The following GPRC5B variants were observed in gnomAD, a reference collection of about 807,000 sequenced individuals.
GPRC5B encodes G protein-coupled receptor class C group 5 member B.
GPRC5B carries 16 observed loss-of-function variants against 30.1 expected under a neutral mutation model. The observed-to-expected ratio is 0.53, with a 90% confidence interval of 0.36 to 0.81. The LOEUF (loss-of-function observed/expected upper bound fraction) is 0.81. GPRC5B is among the 30% of genes least tolerant of loss of function. The pLI, the probability that GPRC5B is intolerant of heterozygous loss-of-function variation, is 0.01. For missense variants in GPRC5B, 428 were observed against 544.7 expected (o/e 0.79, Z 2.13); for synonymous variants, 241 against 239.5 (o/e 1.01, Z -0.06).
rs7195004 is a variant in GPRC5B at position 19,860,224 on chromosome 16, C to T, written c.*276G>A. ...GCCACATTTTCCAGTGAGCCTAATACTATTTGCAATTAGCTTTGCTTTAGT... is the reference window on the plus strand; with the variant it reads ...GCCACATTTTCCAGTGAGCCTAATATTATTTGCAATTAGCTTTGCTTTAGT... On this transcript the variant is annotated 3_prime_UTR_variant, in exon 4 of 4. Transcript: ENST00000300571. The T allele has an allele frequency of 0.013, 5,508 of 410,086 alleles. 47 individuals carry two copies. The highest frequency in any genetic ancestry group is 0.036 in the Middle Eastern group (51 of 1,408). 25.4% of individuals were successfully genotyped at this position (410,086 alleles called of 1,614,324 possible).
At chr16:19,869,018 G>A (rs1348654051) in intron 2 of GPRC5B, among the ~76,000 whole-genome samples, 1 of 152,180 alleles carries the variant, frequency 6.6e-6, no homozygotes, top group Non-Finnish European at 1.5e-5. Context: ...GGACTAATGA[G>A]CTAATGCAGG....
At chr16:19,885,477 G>GT, upstream of GPRC5B, 2 of 1,138,122 alleles carry the variant, frequency 1.8e-6, no homozygotes, top group Non-Finnish European at 1.1e-6. The surrounding 1 kb of genome is among the most constrained non-coding windows in gnomAD (Gnocchi z 5.3). Context: ...GTCGTTGTCC[G>GT]TTTACGCACA....
Position 19,856,781 on chromosome 16 carries a change from C to A in GPRC5B, c.*3719G>T, listed in dbSNP as rs879282191. On this transcript the variant is annotated 3_prime_UTR_variant, in exon 4 of 4. Coordinates refer to ENST00000300571, the MANE Select transcript of GPRC5B (RefSeq NM_016235.3). ...TTATCCCCACATTTTATTCATTCAT[C>A]CAGATTACTTCTTCAGTGCCTCAGG... 7 of 516,030 alleles carry A rather than the reference C, an allele frequency of 1.4e-5. No homozygotes were observed. Among genetic ancestry groups the A allele is most frequent in the Non-Finnish European group, 2.1e-5 (6 of 291,630 alleles). 32.0% of individuals were successfully genotyped at this position (516,030 alleles called of 1,614,324 possible).
chr16:19,883,522 G>C (rs1325985351), intron 1 of GPRC5B, among the ~76,000 whole-genome samples: 1 of 152,270 alleles, frequency 6.6e-6, no homozygotes, highest in Admixed American at 6.5e-5. Context: ...AATTAAGAAG[G>C]TTCCTTGGCT....
rs1271024010 is a variant in GPRC5B at position 19,858,490 on chromosome 16, G to GA, written c.*2009dup. On this transcript the variant is annotated 3_prime_UTR_variant, in exon 4 of 4. Coordinates refer to ENST00000300571, the MANE Select transcript of GPRC5B (RefSeq NM_016235.3). ...GAACGTGTGAATTGCTCCATCGTGT[G>GA]AATGGTATCAGAAAGCTCCAAAGGA... The GA allele has an allele frequency of 1.4e-6, 1 of 692,478 alleles. No homozygotes were observed. The highest frequency in any genetic ancestry group is 1.5e-5 in the South Asian group (1 of 65,702). 42.9% of individuals were successfully genotyped at this position (692,478 alleles called of 1,614,324 possible).
chr16:19,883,199 T>C (rs924914820), intron 1 of GPRC5B, among the ~76,000 whole-genome samples: 6 of 152,178 alleles, frequency 3.9e-5, no homozygotes, highest in African/African-American at 1.4e-4. Context: ...TTTCTTGAAA[T>C]AACATATTAA....
intron 1 of GPRC5B, among the ~76,000 whole-genome samples, chr16:19,877,582 A>G (rs950142556): frequency 1.3e-5 from 2 of 152,124 alleles, no homozygotes; most frequent in Admixed American, 1.3e-4. Context: ...AGAGTTTCCT[A>G]TTGCAGCCAA....
chr16:19,860,579 T>C, intron 3 of GPRC5B, 35 bp from the exon 4 acceptor site: 1 of 1,474,762 alleles, frequency 6.8e-7, no homozygotes, highest in Non-Finnish European at 9.4e-7. Context: ...CACTGAGAAC[T>C]CTGTGCTTTG....
Position 19,871,844 on chromosome 16 carries a change from C to T in GPRC5B, c.1002G>A (p.Lys334=). Residue 334 remains lysine (K), a synonymous_variant, in exon 2 of 4, where the codon AAG becomes AAA. Coordinates refer to ENST00000300571, the MANE Select transcript of GPRC5B (RefSeq NM_016235.3). ...CATTGTGTTCATCCATGGAGAAGGC[C>T]TTGTTCTCCATATAGGCCCGCGGCA... is the stretch of plus-strand genomic sequence containing the variant. ...VQLPRAYMEN[K]AFSMDEHNAA... The T allele has an allele frequency of 6.2e-7, 1 of 1,613,930 alleles. No individual in the cohort carries two copies.
Position 19,871,915 on chromosome 16 carries a change from A to G in GPRC5B, c.931T>C (p.Ser311Pro), listed in dbSNP as rs777654984. 5 of 1,613,884 alleles carry G rather than the reference A, an allele frequency of 3.1e-6. No homozygotes were observed. Among genetic ancestry groups the G allele is most frequent in the Non-Finnish European group, 4.2e-6 (5 of 1,180,038 alleles). ...GCCGTCTCCCGCATCCTGGGCTGCG[A>G]CGTGTCGAAGTAGTTGGGCGTGTTC... ...QENTPNYFDT[S>P]QPRMRETAFE... The change falls in exon 2 of 4, where the codon TCG becomes CCG. Residue 311 changes from serine to proline, a missense_variant. By Grantham distance (74) the Ser-to-Pro change is moderately conservative (BLOSUM62 -1). This residue lies in a region of GPRC5B where 213 missense variants were observed against 229.1 expected (regional missense o/e 0.93). Transcript: ENST00000300571.
chr16:19,861,700 T>C (rs1431720390), intron 3 of GPRC5B, 137 bp downstream of exon 3: 3 of 657,704 alleles, frequency 4.6e-6, no homozygotes, highest in East Asian at 2.7e-5. Flanking sequence ...AATAAAAGCA[T>C]TGCATGCGTT....
intron 2 of GPRC5B, among the ~76,000 whole-genome samples, chr16:19,868,247 G>A (rs1426360738): frequency 1.3e-5 from 2 of 151,830 alleles, no homozygotes; most frequent in South Asian, 2.1e-4. Flanking sequence ...GGTGGCACAC[G>A]GCTATAATCC....
At chr16:19,883,415 G>T (rs1477461100) in intron 1 of GPRC5B, among the ~76,000 whole-genome samples, 1 of 152,182 alleles carries the variant, frequency 6.6e-6, no homozygotes, top group African/African-American at 2.4e-5. Context: ...CCAAACGACA[G>T]ATGCCAATTT....
chr16:19,880,439 A>AAATAAAATAAAATAG (rs2056798075), intron 1 of GPRC5B, among the ~76,000 whole-genome samples: 1 of 108,576 alleles, frequency 9.2e-6, no homozygotes, highest in South Asian at 2.6e-4. Flanking sequence ...AAATAAAATA[A>AAATAAAATAAAATAG]AATAAAATAA....
Position 19,858,854 on chromosome 16 carries a change from TACTA to T in GPRC5B, c.*1642_*1645del, listed in dbSNP as rs1335387136. ...CCATGCGTGGTAACACAAGGAAATGTACTAACTGTTAAGGAAAACTCGAAGGCGG... is the reference window on the plus strand; with the variant it reads ...CCATGCGTGGTAACACAAGGAAATGTACTGTTAAGGAAAACTCGAAGGCGG... On this transcript the variant is annotated 3_prime_UTR_variant, in exon 4 of 4. Coordinates refer to ENST00000300571, the MANE Select transcript of GPRC5B (RefSeq NM_016235.3). 6.9e-6 allele frequency: 2 copies of T among 291,062 alleles called. No homozygotes were observed. Among genetic ancestry groups the T allele is most frequent in the Non-Finnish European group, 1.3e-5 (2 of 158,424 alleles). 18.0% of individuals were successfully genotyped at this position (291,062 alleles called of 1,614,324 possible). A position where few individuals can be genotyped will look rare whatever the true frequency, so the allele number is the denominator to read the frequency against.
At chr16:19,880,499 G>A (rs190322131) in intron 1 of GPRC5B, among the ~76,000 whole-genome samples, 21 of 149,096 alleles carry the variant, frequency 1.4e-4, no homozygotes, top group Admixed American at 9.3e-4. Context: ...TACTGGTTTA[G>A]GTTTTTGTCC....
At chr16:19,880,368 T>G (rs576409542) in intron 1 of GPRC5B, among the ~76,000 whole-genome samples, 342 of 147,922 alleles carry the variant, frequency 2.3e-3, no homozygotes, top group Non-Finnish European at 3.7e-3. Flanking sequence ...GGTGGGAGAC[T>G]GCTTGAGGCC....
Position 19,861,972 on chromosome 16 carries a change from A to T in GPRC5B, c.1032T>A (p.Ala344=), listed in dbSNP as rs2056628431. Residue 344 remains alanine, a splice_region_variant and synonymous_variant, in exon 3 of 4, where the codon GCT becomes GCA. Coordinates refer to ENST00000300571, the MANE Select transcript of GPRC5B (RefSeq NM_016235.3). ...KAFSMDEHNA[A]LRTAGFPNGS... is the part of the protein sequence containing the mutation. ...CGTTGGGAAATCCTGCTGTTCGGAGAGCTGGGGGAGGGAGGGATTGGCAAG... is the reference window on the plus strand; with the variant it reads ...CGTTGGGAAATCCTGCTGTTCGGAGTGCTGGGGGAGGGAGGGATTGGCAAG... 1 of 1,613,690 alleles carries T rather than the reference A, an allele frequency of 6.2e-7. No individual in the cohort carries two copies. The highest frequency in any genetic ancestry group is 8.5e-7 in the Non-Finnish European group (1 of 1,179,908).
rs931967271 is a variant in GPRC5B, at chr16:19,860,307, C to T, written c.*193G>A. ...GTCTGTGTGTGTGGCAGGGGAGGGG[C>T]GGGCAGTCGGTGTTAGCTTTTCAGT... is the stretch of plus-strand genomic sequence containing the variant. On this transcript the variant is annotated 3_prime_UTR_variant, in exon 4 of 4. Coordinates refer to ENST00000300571, the MANE Select transcript of GPRC5B (RefSeq NM_016235.3). 6.8e-5 allele frequency: 39 copies of T among 575,246 alleles called. No individual in the cohort carries two copies. The South Asian group carries it at 7.7e-4, about 11-fold the overall frequency. The allele number at this position is 575,246 out of a possible 1,614,324, so 35.6% of individuals were successfully genotyped here.
Sources: allele counts gnomAD v4.1 joint callset (sites outside exome capture counted in the v4.1 genomes callset), GRCh38; gene constraint gnomAD v4.1.1; regional missense constraint gnomAD v4.1.1; non-coding constraint Gnocchi (gnomAD v3.1); transcripts MANE v1.5; gene names NCBI Gene and HGNC (gene_info 2026-07-23, HGNC 2026-07-21).